The following PDK3 variants were observed in gnomAD, a reference collection of about 807,000 sequenced individuals.
PDK3 encodes the protein pyruvate dehydrogenase kinase, isozyme 3.
PDK3 carries 12 observed loss-of-function variants against 32.0 expected under a neutral mutation model. The observed-to-expected ratio is 0.37, with a 90% confidence interval of 0.24 to 0.61. The LOEUF (loss-of-function observed/expected upper bound fraction) is 0.61, where lower values mean the gene tolerates loss of function less well. PDK3 is among the 20% of genes least tolerant of loss of function. The pLI, the probability that PDK3 is intolerant of heterozygous loss-of-function variation, is 0.65. For synonymous variants in PDK3, 122 were observed against 116.3 expected (o/e 1.05, Z -0.31); for missense variants, 188 against 316.9 (o/e 0.59, Z 3.09).
intron 5 of PDK3, among the ~76,000 whole-genome samples, chrX:24,507,597 C>T (rs1273964179): frequency 1.8e-5 from 2 of 111,964 alleles, no homozygotes; most frequent in East Asian, 5.6e-4. Context: ...AGCAGACAGT[C>T]CTTGGGTGTC....
chrX:24,492,215 G>A (rs1220740021), intron 1 of PDK3, among the ~76,000 whole-genome samples: 1 of 111,791 alleles, frequency 8.9e-6, no homozygotes, highest in Admixed American at 9.5e-5. Context: ...AACCTTTTAG[G>A]AATAATATAC....
intron 6 of PDK3, among the ~76,000 whole-genome samples, chrX:24,525,106 G>A (rs1327950924): frequency 1.8e-5 from 2 of 111,811 alleles, no homozygotes; most frequent in African/African-American, 3.3e-5. Flanking sequence ...GCAGTGAGCC[G>A]AGATGGCGCC....
intron 1 of PDK3, among the ~76,000 whole-genome samples, chrX:24,468,859 T>C (rs1940086500): frequency 8.9e-6 from 1 of 112,065 alleles, no homozygotes; most frequent in Admixed American, 9.5e-5. Flanking sequence ...ATGAGATTTT[T>C]CTTTTGGGCC....
rs1297008038 is a variant in PDK3, at chrX:24,540,474, T to C, written c.*1310T>C. ...TGCTTTAGTCATATGATAGTACCGA[T>C]GCAATTAGCTCCTCTCCCACCACCG... is the stretch of plus-strand genomic sequence containing the variant. On this transcript the variant is annotated 3_prime_UTR_variant, in exon 12 of 12. Coordinates refer to the PDK3 transcript ENST00000568479. 2.7e-5 allele frequency among the ~76,000 whole-genome samples: 3 copies of C among 112,330 alleles called. No homozygotes were observed. The East Asian group carries it at 8.4e-4, about 31-fold the overall frequency.
chrX:24,511,848 CAAA>C (rs769237369), intron 5 of PDK3, among the ~76,000 whole-genome samples: 4 of 53,254 alleles, frequency 7.5e-5, no homozygotes, highest in African/African-American at 2.8e-4. Flanking sequence ...AGCTCCATCT[CAAA>C]AAAAAAAAAA....
At position 24,465,389 on chromosome X, in the gene PDK3, G is replaced by C. The variant is rs972952195; in HGVS notation, c.-67G>C. 1.2e-6 allele frequency: 1 copy of C among 847,276 alleles called. No individual in the cohort carries two copies. Among genetic ancestry groups the C allele is most frequent in the Non-Finnish European group, 1.7e-6 (1 of 594,742 alleles). The allele number at this position is 847,276 out of a possible 1,213,427, so 69.8% of individuals were successfully genotyped here. ...TTCGCAAACGTGCCCTATCCGTGCGGCTTGGCTGCGCCAGCCCTTGCGGCC... is the reference window on the plus strand; with the variant it reads ...TTCGCAAACGTGCCCTATCCGTGCGCCTTGGCTGCGCCAGCCCTTGCGGCC... On this transcript the variant is annotated 5_prime_UTR_variant, in exon 1 of 11. Coordinates refer to ENST00000379162, the MANE Select transcript of PDK3 (RefSeq NM_005391.5).
At chrX:24,508,371 G>A (rs1488076550) in intron 5 of PDK3, among the ~76,000 whole-genome samples, 1 of 111,824 alleles carries the variant, frequency 8.9e-6, no homozygotes. Context: ...AGATTTGGGT[G>A]AGGGTGCAGA....
chrX:24,476,679 C>T (rs1921122081), intron 1 of PDK3, among the ~76,000 whole-genome samples: 1 of 112,055 alleles, frequency 8.9e-6, no homozygotes, highest in Non-Finnish European at 1.9e-5. Flanking sequence ...CAGCATTGAC[C>T]CATCATTATC....
At chrX:24,516,827 G>T (rs1429046777) in intron 5 of PDK3, among the ~76,000 whole-genome samples, 3 of 102,747 alleles carry the variant, frequency 2.9e-5, no homozygotes, top group African/African-American at 1.1e-4. Context: ...ATGGAGTCTT[G>T]CTCTTTTGCC....
chrX:24,526,202 A>G lies in PDK3; in HGVS notation c.678A>G (p.Lys226=), dbSNP rs1312682880. ...PELEVEEFNA[K]APDKPIQVVY... ...TGGTTTTGTCTCTGTTTTCAGCCAAAGCGCCAGACAAACCTATTCAGGTGG... is the reference window on the plus strand; with the variant it reads ...TGGTTTTGTCTCTGTTTTCAGCCAAGGCGCCAGACAAACCTATTCAGGTGG... Residue 226 remains lysine, a synonymous_variant, in exon 7 of 11, where the codon AAA becomes AAG. Transcript: ENST00000379162. 4.2e-6 allele frequency: 5 copies of G among 1,201,218 alleles called. No individual in the cohort carries two copies.
intron 6 of PDK3, among the ~76,000 whole-genome samples, chrX:24,524,973 A>G (rs1202741476): frequency 9.0e-6 from 1 of 111,004 alleles, no homozygotes; most frequent in Non-Finnish European, 1.9e-5. Flanking sequence ...CCTGTCCAAC[A>G]TGGCAAAACC....
At chrX:24,479,903 C>G in intron 1 of PDK3, among the ~76,000 whole-genome samples, 1 of 112,223 alleles carries the variant, frequency 8.9e-6, no homozygotes, top group South Asian at 3.6e-4. Flanking sequence ...ATTCTCACAA[C>G]AGCCATGCCC....
intron 1 of PDK3, among the ~76,000 whole-genome samples, chrX:24,481,905 A>G (rs920793713): frequency 1.8e-5 from 2 of 112,121 alleles, no homozygotes; most frequent in Non-Finnish European, 3.8e-5. Flanking sequence ...AATTTTACAC[A>G]TGAGAAAGTA....
At chrX:24,483,650 G>T (rs1186457475) in intron 1 of PDK3, among the ~76,000 whole-genome samples, 1 of 112,038 alleles carries the variant, frequency 8.9e-6, no homozygotes, top group Non-Finnish European at 1.9e-5. Flanking sequence ...AATTTTATTT[G>T]CTATGTTAAG....
chrX:24,538,334 G>T (rs988534840), downstream of PDK3, among the ~76,000 whole-genome samples: 2 of 111,743 alleles, frequency 1.8e-5, no homozygotes, highest in African/African-American at 6.5e-5. Flanking sequence ...ACAAATAATC[G>T]GTAGAGATTT....
chrX:24,497,530 C>T (rs959628940), intron 2 of PDK3, among the ~76,000 whole-genome samples: 7 of 112,741 alleles, frequency 6.2e-5, no homozygotes, highest in African/African-American at 1.9e-4. Context: ...AAGTAATCCA[C>T]TCGCCTCAGC....
chrX:24,496,927 G>C (rs938216171), intron 2 of PDK3, among the ~76,000 whole-genome samples: 1 of 105,434 alleles, frequency 9.5e-6, no homozygotes, highest in African/African-American at 3.5e-5. Context: ...GACTACAGGC[G>C]CCCGCCACCA....
intron 5 of PDK3, among the ~76,000 whole-genome samples, chrX:24,511,393 G>C (rs1007587758): frequency 6.3e-5 from 7 of 111,831 alleles, no homozygotes; most frequent in African/African-American, 2.3e-4. Flanking sequence ...TGGATGTTAC[G>C]AGAGTAAGGG....
At chrX:24,500,477 G>A (rs1236589617) in intron 3 of PDK3, among the ~76,000 whole-genome samples, 3 of 112,021 alleles carry the variant, frequency 2.7e-5, no homozygotes, top group Non-Finnish European at 5.6e-5. Flanking sequence ...CCGGAGTCCC[G>A]TCTCAGTTTC....
Sources: gnomAD v4.1 joint callset for allele counts (sites outside exome capture counted in the v4.1 genomes callset) on GRCh38, gnomAD v4.1.1 for gene constraint, MANE v1.5 for transcripts, NCBI Gene and HGNC (gene_info 2026-07-23, HGNC 2026-07-21) for gene names.